The following TULP4 variants were observed in gnomAD, a reference collection of about 807,000 sequenced individuals.
TULP4 encodes the protein tubby-related protein 4.
TULP4 carries 16 observed loss-of-function variants against 129.0 expected under a neutral mutation model. The ratio of observed to expected loss-of-function variants is 0.12; its 90% CI spans 0.08 to 0.19. TULP4 has a LOEUF of 0.19. TULP4 is among the 10% of genes least tolerant of loss of function. The pLI is 1.00. For synonymous variants in TULP4, 998 were observed against 854.0 expected, an observed-to-expected ratio of 1.17 and a Z score of -2.94; for missense variants, 1,842 against 2,059.1, an observed-to-expected ratio of 0.89 and a Z score of 2.04.
At chr6:158,478,066 A>T (rs1363338931) in intron 6 of TULP4, among the ~76,000 whole-genome samples, 1 of 152,140 alleles carries the variant, frequency 6.6e-6, no homozygotes. Context: ...ACAAGAACAC[A>T]TGGATACAGG....
At chr6:158,406,943 C>G (rs778856902) in intron 1 of TULP4, among the ~76,000 whole-genome samples, 2 of 152,204 alleles carry the variant, frequency 1.3e-5, no homozygotes, top group Admixed American at 6.5e-5. Flanking sequence ...GTTAGAGGCA[C>G]GGCGGTCCCC....
chr6:158,255,282 G>T (rs1429889634), intron 1 of TULP4, among the ~76,000 whole-genome samples: 1 of 152,126 alleles, frequency 6.6e-6, no homozygotes, highest in Admixed American at 6.5e-5. Context: ...ACCCTGTCGA[G>T]TGCATATCTA....
chr6:158,461,792 A>C, intron 6 of TULP4, 63 bp downstream of exon 6: 2 of 1,508,260 alleles, frequency 1.3e-6, no homozygotes, highest in Non-Finnish European at 1.8e-6. Flanking sequence ...GGTTATTATA[A>C]TTATTGTTGA....
intron 1 of TULP4, among the ~76,000 whole-genome samples, chr6:158,358,130 G>A (rs146158234): frequency 2.7e-4 from 41 of 152,276 alleles, no homozygotes; most frequent in African/African-American, 9.4e-4. Flanking sequence ...CAACCTTTCA[G>A]GACTTTTCAT....
intron 8 of TULP4, among the ~76,000 whole-genome samples, chr6:158,486,639 A>C (rs187272047): frequency 1.8e-3 from 281 of 152,234 alleles, no homozygotes; most frequent in Non-Finnish European, 2.4e-3. Flanking sequence ...CGTTCCCCAG[A>C]ATCTAATCAT....
At chr6:158,382,909 T>G (rs529970430) in intron 1 of TULP4, among the ~76,000 whole-genome samples, 1 of 152,304 alleles carries the variant, frequency 6.6e-6, no homozygotes, top group African/African-American at 2.4e-5. Context: ...CATAACTGAG[T>G]CAAATATCAT....
intron 1 of TULP4, among the ~76,000 whole-genome samples, chr6:158,345,544 C>G (rs972807267): frequency 6.6e-6 from 1 of 152,196 alleles, no homozygotes; most frequent in Non-Finnish European, 1.5e-5. Flanking sequence ...TGATGCCCAC[C>G]TGAGCCACAA....
chr6:158,446,571 T>G (rs1779047616), intron 3 of TULP4, among the ~76,000 whole-genome samples: 1 of 152,224 alleles, frequency 6.6e-6, no homozygotes, highest in Non-Finnish European at 1.5e-5. Flanking sequence ...CAAATACTCC[T>G]GTGTGTTGTA....
chr6:158,360,570 C>T (rs1412250328), intron 1 of TULP4, among the ~76,000 whole-genome samples: 4 of 151,960 alleles, frequency 2.6e-5, no homozygotes, highest in African/African-American at 7.3e-5. Flanking sequence ...AATTGGGTTC[C>T]GTTAAAAAAT....
chr6:158,373,878 G>A (rs1011222798), intron 1 of TULP4, among the ~76,000 whole-genome samples: 3 of 152,188 alleles, frequency 2.0e-5, no homozygotes, highest in Non-Finnish European at 4.4e-5. Context: ...AAACTCGGTA[G>A]GTTTCATATG....
chr6:158,269,039 A>G (rs897339178), intron 1 of TULP4, among the ~76,000 whole-genome samples: 1 of 152,208 alleles, frequency 6.6e-6, no homozygotes. Context: ...AGCATTGTGA[A>G]GGGTCTTTCC....
chr6:158,300,146 T>C (rs894971022), intron 1 of TULP4, among the ~76,000 whole-genome samples: 9 of 152,200 alleles, frequency 5.9e-5, no homozygotes, highest in African/African-American at 2.2e-4. Flanking sequence ...CCTATGGTTT[T>C]TATTGTCAGT....
chr6:158,486,955 CA>C (rs1009246442), intron 8 of TULP4, among the ~76,000 whole-genome samples: 1 of 150,510 alleles, frequency 6.6e-6, no homozygotes, highest in Non-Finnish European at 1.5e-5. Flanking sequence ...TACTAAAATA[CA>C]AAAAAAAATG....
In TULP4 at chr6:158,468,336, G is replaced by A. The variant is rs187609332; in HGVS notation, c.1026+6607G>A. On this transcript the variant is annotated intron_variant, in intron 6 of 13. Coordinates refer to ENST00000367097, the MANE Select transcript of TULP4 (RefSeq NM_020245.5). The stretch of plus-strand genomic sequence containing the variant: ...GTTTAACTAAAGGTAAAGGGATCAG[G>A]CCGCCTTCAGCCAGATAAATTACCG... 2.9e-3 allele frequency among the ~76,000 whole-genome samples: 441 copies of A among 152,232 alleles called. 2 individuals carry two copies. Among genetic ancestry groups the A allele is most frequent in the Non-Finnish European group, 4.8e-3 (326 of 68,014 alleles).
chr6:158,366,034 C>G (rs1780950084), intron 1 of TULP4, among the ~76,000 whole-genome samples: 1 of 150,592 alleles, frequency 6.6e-6, no homozygotes, highest in African/African-American at 2.4e-5. Flanking sequence ...TCCCTAGTAG[C>G]TGGGACTACA....
At chr6:158,450,307 C>T (rs1779137708) in intron 4 of TULP4, among the ~76,000 whole-genome samples, 1 of 152,170 alleles carries the variant, frequency 6.6e-6, no homozygotes, top group South Asian at 2.1e-4. Context: ...GGCATGTCGT[C>T]CTGTGAAGGG....
At chr6:158,447,162 G>T (rs1395832384) in intron 3 of TULP4, among the ~76,000 whole-genome samples, 1 of 152,188 alleles carries the variant, frequency 6.6e-6, no homozygotes, top group Non-Finnish European at 1.5e-5. Flanking sequence ...ATTGAAAATT[G>T]CTCACCAAGT....
chr6:158,366,197 C>T (rs1780959365), intron 1 of TULP4, among the ~76,000 whole-genome samples: 1 of 152,196 alleles, frequency 6.6e-6, no homozygotes. Context: ...GCCACCGCGC[C>T]TGGCCGTCAG....
At chr6:158,283,566 G>C (rs1247382247) in intron 1 of TULP4, among the ~76,000 whole-genome samples, 1 of 152,062 alleles carries the variant, frequency 6.6e-6, no homozygotes, top group Non-Finnish European at 1.5e-5. Flanking sequence ...TTCAACTTTG[G>C]ATCTGTGTGC....
Sources: gnomAD v4.1 joint callset for allele counts (sites outside exome capture counted in the v4.1 genomes callset) on GRCh38, gnomAD v4.1.1 for gene constraint, MANE v1.5 for transcripts, NCBI Gene and HGNC (gene_info 2026-07-23, HGNC 2026-07-21) for gene names.